Variants in CD38 observed in about 807,000 individuals in gnomAD.
The protein encoded by CD38 is ADP-ribosyl cyclase/cyclic ADP-ribose hydrolase 1.
CD38 carries 31 observed loss-of-function variants against 36.3 expected under a neutral mutation model. That is an observed-to-expected ratio of 0.85 (90% CI 0.64 to 1.15). CD38 has a LOEUF of 1.15. CD38 is among the 50% of genes most tolerant of loss of function. The pLI is 0.00. For synonymous variants in CD38, 131 were observed against 135.2 expected (o/e 0.97, Z 0.22); for missense variants, 380 against 371.9 (o/e 1.02, Z -0.18).
At chr4:15,779,338 C>T (rs145251134) in intron 1 of CD38, among the ~76,000 whole-genome samples, 1 of 152,208 alleles carries the variant, frequency 6.6e-6, no homozygotes, top group Non-Finnish European at 1.5e-5. Flanking sequence ...TCTGTACAAA[C>T]CTTGGAAAAA....
At chr4:15,780,384 C>T (rs1722663895) in intron 1 of CD38, among the ~76,000 whole-genome samples, 3 of 152,148 alleles carry the variant, frequency 2.0e-5, no homozygotes, top group Admixed American at 2.0e-4. Context: ...TGAGTCTAAG[C>T]ATCTTGTATA....
At chr4:15,824,237 A>G (rs1723799050) in intron 2 of CD38, among the ~76,000 whole-genome samples, 1 of 152,024 alleles carries the variant, frequency 6.6e-6, no homozygotes, top group African/African-American at 2.4e-5. Flanking sequence ...GGTGCAGCAA[A>G]CCCATGGCAC....
intron 1 of CD38, among the ~76,000 whole-genome samples, chr4:15,786,462 A>G (rs1465252941): frequency 6.6e-6 from 1 of 152,178 alleles, no homozygotes. Context: ...TTAGCTAGAC[A>G]TAAAGATTCT....
At chr4:15,831,508 T>G (rs2148926241) in intron 3 of CD38, among the ~76,000 whole-genome samples, 1 of 152,340 alleles carries the variant, frequency 6.6e-6, no homozygotes, top group Middle Eastern at 3.4e-3. Flanking sequence ...TGGAAAAGTC[T>G]GTGTTTCTCC....
intron 1 of CD38, among the ~76,000 whole-genome samples, chr4:15,786,031 T>A (rs975670597): frequency 2.0e-5 from 3 of 152,198 alleles, no homozygotes; most frequent in Non-Finnish European, 4.4e-5. Context: ...GAGTTGTTCG[T>A]TCCTCCTGGT....
rs76652758 is a variant in CD38, at chr4:15,848,732, C to T, written c.*130C>T. The T allele has an allele frequency of 4.1e-4, 249 of 613,626 alleles. No homozygotes were observed. The highest frequency in any genetic ancestry group is 2.8e-3 in the African/African-American group (151 of 54,718). The allele number at this position is 613,626 out of a possible 1,614,324, so 38.0% of individuals were successfully genotyped here. A position where few individuals can be genotyped will look rare whatever the true frequency, so the allele number is the denominator to read the frequency against. Reference sequence around the variant, plus strand: ...TCCACAATAAGGTCAATGCCAGAGACGGAAGCCTTTTTCCCCAAAGTCTTA... The same window carrying T: ...TCCACAATAAGGTCAATGCCAGAGATGGAAGCCTTTTTCCCCAAAGTCTTA... On this transcript the variant is annotated 3_prime_UTR_variant, in exon 8 of 8. Coordinates refer to ENST00000226279, the MANE Select transcript of CD38 (RefSeq NM_001775.4).
chr4:15,814,270 C>T (rs925561732), intron 1 of CD38, among the ~76,000 whole-genome samples: 3 of 152,166 alleles, frequency 2.0e-5, no homozygotes, highest in East Asian at 3.9e-4. Flanking sequence ...CTGTTAATAC[C>T]CTTCGCCCAC....
In CD38 at chr4:15,848,611, C is replaced by G. The variant is rs1255299912; in HGVS notation, c.*9C>G. 6.2e-7 allele frequency: 1 copy of G among 1,612,332 alleles called. No homozygotes were observed. The highest frequency in any genetic ancestry group is 8.5e-7 in the Non-Finnish European group (1 of 1,178,622). On this transcript the variant is annotated 3_prime_UTR_variant, in exon 8 of 8. Coordinates refer to ENST00000226279, the MANE Select transcript of CD38 (RefSeq NM_001775.4). ...GCACATCTGAGATCTGAGCCAGTCG[C>G]TGTGGTTGTTTTAGCTCCTTGACTC...
At chr4:15,839,026 C>G (rs1158100662) in intron 5 of CD38, among the ~76,000 whole-genome samples, 1 of 152,054 alleles carries the variant, frequency 6.6e-6, no homozygotes, top group Non-Finnish European at 1.5e-5. Context: ...TTTTTGTTCT[C>G]TAATCCCACA....
At chr4:15,826,459 G>GCGCACACA (rs1553874528) in intron 3 of CD38, among the ~76,000 whole-genome samples, 2 of 146,348 alleles carry the variant, frequency 1.4e-5, no homozygotes, top group Non-Finnish European at 3.0e-5. Context: ...ACTTTTGTGC[G>GCGCACACA]CACACACACA....
At chr4:15,829,497 G>GA (rs1195247606) in intron 3 of CD38, among the ~76,000 whole-genome samples, 2 of 151,874 alleles carry the variant, frequency 1.3e-5, no homozygotes, top group East Asian at 1.9e-4. Context: ...CTGATGGGCT[G>GA]AAAAAAAATC....
chr4:15,784,719 T>C (rs1398070243), intron 1 of CD38, among the ~76,000 whole-genome samples: 3 of 152,150 alleles, frequency 2.0e-5, no homozygotes, highest in East Asian at 1.9e-4. Context: ...AGTGTTATGA[T>C]TGAAGGCTTC....
At chr4:15,839,584 C>T (rs1207573604) in intron 5 of CD38, among the ~76,000 whole-genome samples, 1 of 151,660 alleles carries the variant, frequency 6.6e-6, no homozygotes, top group Non-Finnish European at 1.5e-5. Flanking sequence ...CCACCACGCC[C>T]AGCTAATTTT....
At chr4:15,829,869 C>T (rs1723924381) in intron 3 of CD38, among the ~76,000 whole-genome samples, 1 of 152,168 alleles carries the variant, frequency 6.6e-6, no homozygotes, top group South Asian at 2.1e-4. Context: ...TAGCTTATTT[C>T]ACTTAACATA....
chr4:15,816,473 C>T lies in CD38; in HGVS notation c.234-38C>T, dbSNP rs760761798. ...TATGCTCCAAAAATATTTTTAAAAT[C>T]AAATAATTTATGTTTTATTTTCTGT... On this transcript the variant is annotated intron_variant, in intron 1 of 7. Coordinates refer to ENST00000226279, the MANE Select transcript of CD38 (RefSeq NM_001775.4). 22 of 1,511,126 alleles carry T rather than the reference C, an allele frequency of 1.5e-5. No individual in the cohort carries two copies. In the Admixed American group the frequency reaches 2.7e-4, roughly 18 times the overall value. 93.6% of individuals were successfully genotyped at this position (1,511,126 alleles called of 1,614,324 possible).
intron 1 of CD38, among the ~76,000 whole-genome samples, chr4:15,790,784 C>T (rs1210931892): frequency 4.0e-5 from 6 of 149,876 alleles, no homozygotes; most frequent in African/African-American, 9.9e-5. Flanking sequence ...CGTCTCTGCC[C>T]GGCCGCCCAT....
intron 1 of CD38, among the ~76,000 whole-genome samples, chr4:15,793,838 T>C (rs1339837693): frequency 6.6e-6 from 1 of 152,182 alleles, no homozygotes; most frequent in East Asian, 1.9e-4. Context: ...ATATGGAATG[T>C]GAGAGAAAAA....
At position 15,816,685 on chromosome 4, in the gene CD38, C is replaced by A. The variant is rs1229832506; in HGVS notation, c.363+45C>A. On this transcript the variant is annotated intron_variant, in intron 2 of 7. Transcript: ENST00000226279. ...TGATTTTAAAACTGGGGATAAAAGC[C>A]AATGGTAACAATTCATAGGTCCAAA... 1.9e-6 allele frequency: 3 copies of A among 1,601,038 alleles called. No individual in the cohort carries two copies. The Admixed American group carries it at 5.0e-5, about 27-fold the overall frequency.
rs1462244029 is a variant in CD38 at position 15,851,958 on chromosome 4, A to G, written c.*3356A>G. 1.3e-5 allele frequency: 2 copies of G among 151,424 alleles called. No individual in the cohort carries two copies. The highest frequency in any genetic ancestry group is 1.3e-4 in the Admixed American group (2 of 15,254). 9.4% of individuals were successfully genotyped at this position (151,424 alleles called of 1,614,324 possible). Reference sequence around the variant, plus strand: ...ATGGTAAATGTTTGTGTATCTAAACATATCTAAACATAGAAAAGGTACAGT... The same window carrying G: ...ATGGTAAATGTTTGTGTATCTAAACGTATCTAAACATAGAAAAGGTACAGT... On this transcript the variant is annotated 3_prime_UTR_variant, in exon 8 of 8. Transcript: ENST00000226279.
Sources: allele counts gnomAD v4.1 joint callset (sites outside exome capture counted in the v4.1 genomes callset), GRCh38; gene constraint gnomAD v4.1.1; transcripts MANE v1.5; gene names NCBI Gene and HGNC (gene_info 2026-07-23, HGNC 2026-07-21).